Variants in CEACAM5 observed in about 807,000 individuals in gnomAD.
CEACAM5 encodes the protein cell adhesion molecule CEACAM5.
A neutral mutation model predicts 63.0 loss-of-function variants in CEACAM5; 52 were observed. The observed-to-expected ratio is 0.83, with a 90% confidence interval of 0.66 to 1.04. The LOEUF (loss-of-function observed/expected upper bound fraction) is 1.04. Ranked by LOEUF, CEACAM5 falls within the 50% of genes least tolerant of loss-of-function variation. CEACAM5 has a pLI of 0.00. For missense variants in CEACAM5, 790 were observed against 864.8 expected, an observed-to-expected ratio of 0.91 and a Z score of 1.08; for synonymous variants, 357 against 351.3, an observed-to-expected ratio of 1.02 and a Z score of -0.18.
At position 41,730,414 on chromosome 19, in the gene CEACAM5, T is replaced by C. The variant is rs1555818077; in HGVS notation, c.*1267T>C. Reference sequence around the variant, plus strand: ...TCCAGCCTGGGAGACAAAGTGAGACTCCGTCAAAAAAAAAAAAAAGTCTAT... The same window carrying C: ...TCCAGCCTGGGAGACAAAGTGAGACCCCGTCAAAAAAAAAAAAAAGTCTAT... On this transcript the variant is annotated 3_prime_UTR_variant, in exon 10 of 10. Transcript: ENST00000221992. 8.3e-6 allele frequency among the ~76,000 whole-genome samples: 1 copy of C among 121,174 alleles called. No individual in the cohort carries two copies. Among genetic ancestry groups the C allele is most frequent in the Admixed American group, 8.4e-5 (1 of 11,868 alleles). 79.5% of individuals were successfully genotyped at this position (121,174 alleles called of 152,430 possible). A position where few individuals can be genotyped will look rare whatever the true frequency, so the allele number is the denominator to read the frequency against.
At chr19:41,709,320 G>A (rs2072393668) in intron 1 of CEACAM5, among the ~76,000 whole-genome samples, 1 of 152,202 alleles carries the variant, frequency 6.6e-6, no homozygotes, top group African/African-American at 2.4e-5. Context: ...AGCCCTGGAG[G>A]GAATAGAGCA....
rs1311044556 is a variant in CEACAM5, at chr19:41,729,212, T to C, written c.*65T>C. On this transcript the variant is annotated 3_prime_UTR_variant, in exon 10 of 10. Coordinates refer to ENST00000221992, the MANE Select transcript of CEACAM5 (RefSeq NM_004363.6). ...GTTGTTTTGCTTCTTCCTTAAAGCA[T>C]TTGCAACAGCTACAGTCTAAAATTG... 1.3e-5 allele frequency: 2 copies of C among 152,140 alleles called. No individual in the cohort carries two copies. Among genetic ancestry groups the C allele is most frequent in the Non-Finnish European group, 2.9e-5 (2 of 68,032 alleles). 9.4% of individuals were successfully genotyped at this position (152,140 alleles called of 1,614,324 possible).
intron 6 of CEACAM5, among the ~76,000 whole-genome samples, chr19:41,718,620 C>T (rs1323101045): frequency 6.6e-6 from 1 of 152,192 alleles, no homozygotes; most frequent in Non-Finnish European, 1.5e-5. Context: ...TCTTCATCAG[C>T]CCTGAGCCCT....
At chr19:41,715,359 G>A (rs781939717) in intron 3 of CEACAM5, 110 bp downstream of exon 3, 8 of 1,474,118 alleles carry the variant, frequency 5.4e-6, no homozygotes, top group Non-Finnish European at 7.6e-6. Context: ...CTCAACCCTG[G>A]ACATCCAGAC....
chr19:41,710,191 C>A, intron 2 of CEACAM5, 152 bp downstream of exon 2: 4 of 1,135,742 alleles, frequency 3.5e-6, no homozygotes, highest in Non-Finnish European at 5.1e-6. Context: ...ACAGAAGAGA[C>A]AAACTTCAAC....
chr19:41,709,562 A>ACACACACACACT, intron 1 of CEACAM5, 118 bp from the exon 2 acceptor site: 1 of 1,462,144 alleles, frequency 6.8e-7, no homozygotes, highest in Non-Finnish European at 9.2e-7. Flanking sequence ...ACACACACAC[A>ACACACACACACT]CACACTCACT....
intron 4 of CEACAM5, 93 bp from the exon 5 acceptor site, chr19:41,717,362 T>C: frequency 7.2e-7 from 1 of 1,386,308 alleles, no homozygotes; most frequent in East Asian, 2.3e-5. Context: ...TCAGTTGGGC[T>C]GAGAGGTGGG....
chr19:41,725,683 G>A (rs997213082), intron 8 of CEACAM5, among the ~76,000 whole-genome samples: 1 of 152,020 alleles, frequency 6.6e-6, no homozygotes, highest in Non-Finnish European at 1.5e-5. Context: ...TTTCATTTCT[G>A]ATTTTAGTAA....
Position 41,708,792 on chromosome 19 carries a change from A to G in CEACAM5, c.61A>G (p.Thr21Ala). 5 of 1,611,026 alleles carry G rather than the reference A, an allele frequency of 3.1e-6. No individual in the cohort carries two copies. Among genetic ancestry groups the G allele is most frequent in the Non-Finnish European group, 4.2e-6 (5 of 1,178,478 alleles). ...CATCCCCTGGCAGAGGCTCCTGCTC[A>G]CAGGTGAAGGGAGGACAACCTGGGA... is the stretch of plus-strand genomic sequence containing the variant. Reference protein sequence around the residue: ...WCIPWQRLLLTASLLTFWNPP... With the variant: ...WCIPWQRLLLAASLLTFWNPP... The change falls in exon 1 of 10, where the codon ACA becomes GCA. Residue 21 changes from threonine to alanine, a missense_variant. Physicochemically the swap from Thr to Ala is moderately conservative, Grantham distance 58 (BLOSUM62 0). Coordinates refer to ENST00000221992, the MANE Select transcript of CEACAM5 (RefSeq NM_004363.6).
intron 8 of CEACAM5, among the ~76,000 whole-genome samples, chr19:41,721,469 C>T (rs1336962392): frequency 6.6e-6 from 1 of 152,238 alleles, no homozygotes; most frequent in African/African-American, 2.4e-5. Flanking sequence ...AAAGAAGGGT[C>T]CTTAAGGTCG....
Position 41,709,768 on chromosome 19 carries a change from G to T in CEACAM5, c.153G>T (p.Val51=), listed in dbSNP as rs150428325. ...TCAATGTCGCAGAGGGGAAGGAGGTGCTTCTACTTGTCCACAATCTGCCCC... is the reference window on the plus strand; with the variant it reads ...TCAATGTCGCAGAGGGGAAGGAGGTTCTTCTACTTGTCCACAATCTGCCCC... ...TPFNVAEGKE[V]LLLVHNLPQH... The change falls in exon 2 of 10, where the codon GTG becomes GTT. Residue 51 remains valine (V), a synonymous_variant. Transcript: ENST00000221992. The T allele has an allele frequency of 1.6e-3, 2,657 of 1,614,142 alleles. 32 individuals are homozygous for T. In the African/African-American group the frequency reaches 0.029, roughly 18 times the overall value.
chr19:41,717,845 A>C, intron 5 of CEACAM5, 112 bp downstream of exon 5: 1 of 1,377,176 alleles, frequency 7.3e-7, no homozygotes, highest in South Asian at 1.3e-5. Flanking sequence ...TTACCCCTGG[A>C]CATCCAGGCT....
intron 8 of CEACAM5, among the ~76,000 whole-genome samples, chr19:41,723,914 A>G (rs2161625): frequency 0.32 from 48,254 of 149,648 alleles, 7,919 homozygotes; most frequent in South Asian, 0.39. Context: ...GCACCACTGC[A>G]CTCCAGCCAG....
At chr19:41,714,320 A>G (rs782422169) in intron 2 of CEACAM5, among the ~76,000 whole-genome samples, 1 of 152,126 alleles carries the variant, frequency 6.6e-6, no homozygotes, top group Non-Finnish European at 1.5e-5. Context: ...ACTCCACTCT[A>G]TCTTTAGGGG....
At chr19:41,726,399 G>C (rs1339562049) in intron 8 of CEACAM5, among the ~76,000 whole-genome samples, 4 of 152,184 alleles carry the variant, frequency 2.6e-5, no homozygotes, top group Non-Finnish European at 4.4e-5. Flanking sequence ...AGCCTGAGTT[G>C]ACTAGTGAGA....
intron 5 of CEACAM5, 110 bp from the exon 6 acceptor site, chr19:41,718,018 A>C: frequency 1.5e-6 from 2 of 1,336,448 alleles, no homozygotes; most frequent in Non-Finnish European, 2.1e-6. Context: ...TTTGGTTAGG[A>C]CTTCAGGATT....
chr19:41,726,035 A>G (rs367978716), intron 8 of CEACAM5, among the ~76,000 whole-genome samples: 61 of 152,344 alleles, frequency 4.0e-4, no homozygotes, highest in African/African-American at 1.1e-3. Flanking sequence ...TCACCAGGAA[A>G]TGGAGGAAAA....
At chr19:41,710,600 A>G (rs2072421097) in intron 2 of CEACAM5, among the ~76,000 whole-genome samples, 1 of 152,188 alleles carries the variant, frequency 6.6e-6, no homozygotes, top group Non-Finnish European at 1.5e-5. Flanking sequence ...TCATTTGGAC[A>G]AGGACAGAGC....
intron 2 of CEACAM5, among the ~76,000 whole-genome samples, chr19:41,710,807 A>C (rs1337468953): frequency 2.0e-5 from 3 of 152,194 alleles, no homozygotes; most frequent in Non-Finnish European, 2.9e-5. Context: ...CTTGGAGGCA[A>C]ATAAACATAA....
Sources: allele counts gnomAD v4.1 joint callset (sites outside exome capture counted in the v4.1 genomes callset), GRCh38; gene constraint gnomAD v4.1.1; transcripts MANE v1.5; gene names NCBI Gene and HGNC (gene_info 2026-07-23, HGNC 2026-07-21).